Variants in INSIG2 observed in about 807,000 individuals in gnomAD.
INSIG2 encodes the protein insulin-induced gene 2 protein.
In INSIG2, 10 loss-of-function variants were observed where a neutral mutation model predicts 27.2. That is an observed-to-expected ratio of 0.37 (90% CI 0.23 to 0.62). INSIG2 has a LOEUF of 0.62. Among genes scored for constraint, INSIG2 ranks in the 20% least tolerant of loss-of-function variants. The pLI, the probability that INSIG2 is intolerant of heterozygous loss-of-function variation, is 0.65. For missense variants in INSIG2, 178 were observed against 270.2 expected, an observed-to-expected ratio of 0.66 and a Z score of 2.39; for synonymous variants, 97 against 95.8, an observed-to-expected ratio of 1.01 and a Z score of -0.07.
At position 118,096,517 on chromosome 2, in the gene INSIG2, CA is replaced by C. The variant is rs1678407581; in HGVS notation, c.-39del. 1 of 1,486,120 alleles carries C rather than the reference CA, an allele frequency of 6.7e-7. No homozygotes were observed. The highest frequency in any genetic ancestry group is 9.1e-7 in the Non-Finnish European group (1 of 1,102,442). 92.1% of individuals were successfully genotyped at this position (1,486,120 alleles called of 1,614,324 possible). On this transcript the variant is annotated 5_prime_UTR_variant, in exon 2 of 6. Transcript: ENST00000245787. The stretch of plus-strand genomic sequence containing the variant: ...GAGCTTTTCAGCTGGGAAGCCTTTC[CA>C]TTTTTTTTTTTTTAACGGCTTTCTG...
At chr2:118,090,656 G>A (rs1678203226) in intron 1 of INSIG2, among the ~76,000 whole-genome samples, 1 of 152,156 alleles carries the variant, frequency 6.6e-6, no homozygotes, top group South Asian at 2.1e-4. Context: ...CTGGTGGAAA[G>A]TTTTTCTTTG....
chr2:118,099,783 C>T (rs534633900), intron 2 of INSIG2, among the ~76,000 whole-genome samples: 4 of 152,312 alleles, frequency 2.6e-5, no homozygotes, highest in South Asian at 2.1e-4. Context: ...CTTTCTCTCC[C>T]GTTCTACATC....
At chr2:118,107,442 T>C (rs1290686135) in intron 5 of INSIG2, among the ~76,000 whole-genome samples, 1 of 152,244 alleles carries the variant, frequency 6.6e-6, no homozygotes, top group Non-Finnish European at 1.5e-5. Flanking sequence ...GGGATATTAG[T>C]GGTTTTTAAA....
rs1393158703 is a variant in INSIG2, at chr2:118,096,399, T to G, written c.-138-20T>G. On this transcript the variant is annotated intron_variant, in intron 1 of 5. Transcript: ENST00000245787. ...CATGTATTAGATACACATTAATTTC[T>G]TTTTTCTTATCTCTTGCAGGATTTC... The G allele has an allele frequency of 2.2e-5, 14 of 643,366 alleles. No homozygotes were observed. Among genetic ancestry groups the G allele is most frequent in the Non-Finnish European group, 3.3e-5 (13 of 389,520 alleles). The allele number at this position is 643,366 out of a possible 1,614,324, so 39.9% of individuals were successfully genotyped here.
chr2:118,093,805 TGAA>T (rs76225867), intron 1 of INSIG2, among the ~76,000 whole-genome samples: 34,249 of 96,296 alleles, frequency 0.36, 7,486 homozygotes, highest in East Asian at 0.41. Flanking sequence ...TTGATGATGA[TGAA>T]GGAGAGTTCT....
chr2:118,108,553 T>C lies in INSIG2; in HGVS notation c.*231T>C, dbSNP rs1316294949. ...CCTTTACATATTTGACTTAAATAAC[T>C]GTAAGATATATATGTACTACATTAA... On this transcript the variant is annotated 3_prime_UTR_variant, in exon 6 of 6. Transcript: ENST00000245787. The C allele has an allele frequency of 2.5e-6, 1 of 398,954 alleles. No homozygotes were observed. 24.7% of individuals were successfully genotyped at this position (398,954 alleles called of 1,614,324 possible).
intron 3 of INSIG2, among the ~76,000 whole-genome samples, chr2:118,105,241 C>A (rs1485178903): frequency 6.6e-6 from 1 of 150,722 alleles, no homozygotes; most frequent in Non-Finnish European, 1.5e-5. Flanking sequence ...TGGGGTTTCA[C>A]CATGTTAGCC....
rs568460772 is a variant in INSIG2, at chr2:118,110,730, T to C, written c.*2408T>C. ...GGAAACATTTTTTAACATTGCTAGA[T>C]TGGCAGTGCTTTCTTTTATTATTTC... On this transcript the variant is annotated 3_prime_UTR_variant, in exon 6 of 6. Coordinates refer to ENST00000245787, the MANE Select transcript of INSIG2 (RefSeq NM_016133.4). 6.6e-4 allele frequency: 100 copies of C among 152,370 alleles called. No individual in the cohort carries two copies. The highest frequency in any genetic ancestry group is 2.2e-3 in the African/African-American group (91 of 41,590). The allele number at this position is 152,370 out of a possible 1,614,324, so 9.4% of individuals were successfully genotyped here. A position where few individuals can be genotyped will look rare whatever the true frequency, so the allele number is the denominator to read the frequency against.
intron 3 of INSIG2, among the ~76,000 whole-genome samples, chr2:118,104,573 A>G (rs940300183): frequency 1.3e-4 from 20 of 152,354 alleles, no homozygotes; most frequent in African/African-American, 4.8e-4. Flanking sequence ...TATTATATCT[A>G]GAAGAGAACT....
At chr2:118,100,248 C>A (rs538245174) in intron 2 of INSIG2, among the ~76,000 whole-genome samples, 1 of 152,130 alleles carries the variant, frequency 6.6e-6, no homozygotes, top group Non-Finnish European at 1.5e-5. Flanking sequence ...AGCACCTTGC[C>A]TTCCCCTAGC....
At chr2:118,092,098 T>A (rs1678245411) in intron 1 of INSIG2, among the ~76,000 whole-genome samples, 1 of 152,210 alleles carries the variant, frequency 6.6e-6, no homozygotes, top group Non-Finnish European at 1.5e-5. Context: ...TTTTCCTTTT[T>A]AAAAATACTA....
chr2:118,103,951 T>C (rs1678612320), intron 3 of INSIG2, among the ~76,000 whole-genome samples: 1 of 152,182 alleles, frequency 6.6e-6, no homozygotes, highest in African/African-American at 2.4e-5. Context: ...CCTATTCCCC[T>C]TCCCCTTTCT....
intron 3 of INSIG2, among the ~76,000 whole-genome samples, chr2:118,104,133 G>A (rs1678617052): frequency 6.6e-6 from 1 of 152,164 alleles, no homozygotes; most frequent in Admixed American, 6.5e-5. Flanking sequence ...GACAATGAAG[G>A]TGGCAGGAGC....
chr2:118,104,776 G>C (rs115748825), intron 3 of INSIG2, among the ~76,000 whole-genome samples: 2,734 of 152,200 alleles, frequency 0.018, 78 homozygotes, highest in African/African-American at 0.058. Context: ...GTTCCTCTCT[G>C]TCCGGTGGAT....
intron 2 of INSIG2, among the ~76,000 whole-genome samples, chr2:118,099,237 A>G (rs779405587): frequency 7.2e-5 from 11 of 152,234 alleles, no homozygotes; most frequent in Non-Finnish European, 1.5e-4. Context: ...TAAGTCAGAA[A>G]AACTGATAAT....
In INSIG2 at chr2:118,096,424, C is replaced by T. The variant is rs1174632981; in HGVS notation, c.-133C>T. ...TTTTTTCTTATCTCTTGCAGGATTT[C>T]TGGTAGGTCCTACTTTAGGACAAGA... On this transcript the variant is annotated 5_prime_UTR_variant, in exon 2 of 6. Transcript: ENST00000245787. The T allele has an allele frequency of 2.5e-6, 2 of 784,954 alleles. No individual in the cohort carries two copies. The highest frequency in any genetic ancestry group is 5.4e-5 in the East Asian group (2 of 37,198). 48.6% of individuals were successfully genotyped at this position (784,954 alleles called of 1,614,324 possible).
At chr2:118,106,618 TGTACTTGAGTAGAAG>T in intron 3 of INSIG2, 104 bp from the exon 4 acceptor site, 1 of 720,646 alleles carries the variant, frequency 1.4e-6, no homozygotes, top group Non-Finnish European at 2.3e-6. Context: ...AGAGACTGAA[TGTACTTGAGTAGAAG>T]CAATTAATTC....
intron 5 of INSIG2, 23 bp from the exon 6 acceptor site, chr2:118,108,258 T>C: frequency 6.4e-7 from 1 of 1,557,390 alleles, no homozygotes; most frequent in Non-Finnish European, 8.8e-7. Flanking sequence ...TCTGTTAACC[T>C]TTTAACCTTT....
chr2:118,097,000 A>T (rs1488665806), intron 2 of INSIG2, among the ~76,000 whole-genome samples, 200 bp downstream of exon 2: 1 of 152,226 alleles, frequency 6.6e-6, no homozygotes, highest in Non-Finnish European at 1.5e-5. Context: ...CTGCCAATCC[A>T]GCTGTGGAAC....
Sources: allele counts gnomAD v4.1 joint callset (sites outside exome capture counted in the v4.1 genomes callset), GRCh38; gene constraint gnomAD v4.1.1; transcripts MANE v1.5; gene names NCBI Gene and HGNC (gene_info 2026-07-23, HGNC 2026-07-21).